The following PUM1 variants were observed in gnomAD, a reference collection of about 807,000 sequenced individuals.
The protein encoded by PUM1 is pumilio homolog 1.
A neutral mutation model predicts 131.8 loss-of-function variants in PUM1; 13 were observed. The ratio of observed to expected loss-of-function variants is 0.10; its 90% CI spans 0.06 to 0.16. The LOEUF (loss-of-function observed/expected upper bound fraction) is 0.16, where lower values mean the gene tolerates loss of function less well. Among genes scored for constraint, PUM1 ranks in the 10% least tolerant of loss-of-function variants. The probability of loss-of-function intolerance (pLI) is 1.00; values close to 1 mark genes in which losing one functional copy is unlikely to be tolerated. For synonymous variants in PUM1, 509 were observed against 556.5 expected, an observed-to-expected ratio of 0.91 and a Z score of 1.20; for missense variants, 961 against 1,512.4, an observed-to-expected ratio of 0.64 and a Z score of 6.05.
chr1:30,983,472 C>T, intron 7 of PUM1, among the ~76,000 whole-genome samples: 1 of 152,272 alleles, frequency 6.6e-6, no homozygotes. Context: ...TATTATTAGG[C>T]AGGTGCTGTG....
intron 3 of PUM1, among the ~76,000 whole-genome samples, chr1:31,009,790 A>G (rs1419664011): frequency 6.7e-6 from 1 of 150,366 alleles, no homozygotes; most frequent in Non-Finnish European, 1.5e-5. Context: ...AAAAAAAACA[A>G]AAACAGAAAC....
At chr1:31,004,125 C>CATT (rs1642314785) in intron 5 of PUM1, among the ~76,000 whole-genome samples, 1 of 152,200 alleles carries the variant, frequency 6.6e-6, no homozygotes, top group Non-Finnish European at 1.5e-5. Flanking sequence ...AGAGGTAAAT[C>CATT]ACCAGTCTCC....
chr1:31,049,457 A>G (rs1465114451), intron 2 of PUM1, among the ~76,000 whole-genome samples: 2 of 151,926 alleles, frequency 1.3e-5, no homozygotes, highest in South Asian at 2.1e-4. Flanking sequence ...CAGAGGTTGC[A>G]GTGAGCCAAG....
intron 9 of PUM1, among the ~76,000 whole-genome samples, chr1:30,975,392 C>T (rs935467759): frequency 2.0e-5 from 3 of 151,776 alleles, no homozygotes; most frequent in African/African-American, 7.3e-5. Context: ...TCTCTGTCAC[C>T]CAGGCTGGAA....
chr1:30,966,302 T>G (rs371552342), intron 12 of PUM1, 24 bp from the exon 13 acceptor site: 24 of 1,549,550 alleles, frequency 1.5e-5, no homozygotes, highest in Non-Finnish European at 2.0e-5. Flanking sequence ...AGCAAACCGT[T>G]TGGCTATGAA....
intron 7 of PUM1, 128 bp from the exon 8 acceptor site, chr1:30,981,533 C>T (rs1641355995): frequency 1.9e-6 from 1 of 536,702 alleles, no homozygotes; most frequent in Non-Finnish European, 3.4e-6. Flanking sequence ...AATGTTCTCA[C>T]ACTCTACTTC....
chr1:30,997,631 G>C (rs1482017789), intron 5 of PUM1, among the ~76,000 whole-genome samples: 2 of 151,894 alleles, frequency 1.3e-5, no homozygotes, highest in Non-Finnish European at 2.9e-5. Flanking sequence ...TTTCCTCAGG[G>C]GCTCTTCACA....
intron 17 of PUM1, 53 bp from the exon 18 acceptor site, chr1:30,945,536 C>A (rs1639632558): frequency 1.3e-6 from 2 of 1,593,068 alleles, no homozygotes; most frequent in Admixed American, 3.4e-5. Context: ...AACATGTGGA[C>A]AAATAATATT....
intron 11 of PUM1, 166 bp downstream of exon 11, chr1:30,968,188 C>A (rs755725967): frequency 1.1e-6 from 1 of 898,084 alleles, no homozygotes; most frequent in Non-Finnish European, 1.8e-6. Flanking sequence ...ATGCTCTCAT[C>A]AGTGAACTAT....
chr1:31,016,938 AC>A (rs1642840582), intron 3 of PUM1, among the ~76,000 whole-genome samples: 1 of 152,196 alleles, frequency 6.6e-6, no homozygotes, highest in African/African-American at 2.4e-5. Flanking sequence ...CACTGTTGAT[AC>A]CTGTATCTAA....
At chr1:31,045,630 A>C (rs1173445974) in intron 2 of PUM1, among the ~76,000 whole-genome samples, 1 of 152,146 alleles carries the variant, frequency 6.6e-6, no homozygotes, top group African/African-American at 2.4e-5. Flanking sequence ...AAAAATATTT[A>C]GGGCCCCCAA....
intron 14 of PUM1, among the ~76,000 whole-genome samples, chr1:30,963,548 T>C (rs903515349): frequency 1.3e-5 from 2 of 152,232 alleles, no homozygotes; most frequent in Non-Finnish European, 2.9e-5. Context: ...CTATCACTCC[T>C]AGGTCTAGAA....
chr1:30,959,595 C>A (rs1640319696), intron 14 of PUM1, among the ~76,000 whole-genome samples: 1 of 151,988 alleles, frequency 6.6e-6, no homozygotes, highest in African/African-American at 2.4e-5. Flanking sequence ...AGGATAAAAG[C>A]CACATGATCG....
At chr1:30,937,672 T>C (rs1312841050) in intron 20 of PUM1, among the ~76,000 whole-genome samples, 2 of 152,222 alleles carry the variant, frequency 1.3e-5, no homozygotes, top group East Asian at 3.9e-4. Flanking sequence ...ATGGCTTTAA[T>C]AGTGGATTAG....
At chr1:31,035,337 G>A (rs1272144333) in intron 2 of PUM1, among the ~76,000 whole-genome samples, 8 of 151,596 alleles carry the variant, frequency 5.3e-5, no homozygotes, top group Non-Finnish European at 8.8e-5. Context: ...AGGTTGCAGT[G>A]AGCCGAGACT....
chr1:30,999,839 A>T (rs1350619666), intron 5 of PUM1, among the ~76,000 whole-genome samples: 1 of 152,184 alleles, frequency 6.6e-6, no homozygotes, highest in African/African-American at 2.4e-5. Flanking sequence ...AAAGAGACGC[A>T]CTGGGATGGT....
intron 20 of PUM1, among the ~76,000 whole-genome samples, chr1:30,940,001 A>T (rs1639377294): frequency 6.6e-6 from 1 of 152,186 alleles, no homozygotes; most frequent in Non-Finnish European, 1.5e-5. Context: ...AACCCAAGAG[A>T]TTCTGATCCC....
In PUM1 at chr1:30,953,837, T is replaced by C; in HGVS notation, c.2468A>G (p.Asp823Gly). The part of the protein sequence containing the change: ...SSSRLRYGMS[D>G]VMPSGRSRLL... ...CCTGCTCCTGCCAGAAGGCATGACA[T>C]CAGACATTCCATATCGCAAACGAGA... Residue 823 changes from aspartate (D) to glycine (G), a missense_variant, in exon 15 of 22, where the codon GAT becomes GGT. Physicochemically the swap from Asp to Gly is moderately conservative, Grantham distance 94. Around this residue, in one of 4 missense-constraint regions of PUM1, gnomAD observed 117 missense variants for 200.7 expected, o/e 0.58. Coordinates refer to ENST00000426105, the MANE Select transcript of PUM1 (RefSeq NM_001020658.2). The C allele has an allele frequency of 6.2e-7, 1 of 1,614,198 alleles. No individual in the cohort carries two copies. The highest frequency in any genetic ancestry group is 1.3e-5 in the African/African-American group (1 of 75,050).
chr1:30,972,261 A>G (rs113165413), intron 10 of PUM1, among the ~76,000 whole-genome samples: 19,387 of 49,996 alleles, frequency 0.39, 5,119 homozygotes, highest in Non-Finnish European at 0.43. Context: ...TCAGAAAGAA[A>G]AGAAAAGAAG....
Sources: gnomAD v4.1 joint callset for allele counts (sites outside exome capture counted in the v4.1 genomes callset) on GRCh38, gnomAD v4.1.1 for gene constraint, gnomAD v4.1.1 regional missense constraint, MANE v1.5 for transcripts, NCBI Gene and HGNC (gene_info 2026-07-23, HGNC 2026-07-21) for gene names.